The following PTPRD variants were observed in gnomAD, a reference collection of about 807,000 sequenced individuals.
The protein encoded by PTPRD is protein tyrosine phosphatase receptor type D, also known as receptor-type tyrosine-protein phosphatase delta.
PTPRD carries 34 observed loss-of-function variants against 214.5 expected under a neutral mutation model. The observed-to-expected ratio is 0.16, with a 90% CI of 0.12 to 0.21. PTPRD has a LOEUF of 0.21. Ranked by LOEUF, PTPRD falls within the 10% of genes least tolerant of loss-of-function variation. PTPRD has a pLI of 1.00. For missense variants in PTPRD, 2,545 were observed against 2,398.7 expected, an observed-to-expected ratio of 1.06 and a Z score of -1.27; for synonymous variants, 1,128 against 845.7, an observed-to-expected ratio of 1.33 and a Z score of -5.79.
intron 9 of PTPRD, among the ~76,000 whole-genome samples, chr9:9,251,849 C>T (rs766416120): frequency 1.1e-4 from 16 of 152,048 alleles, no homozygotes; most frequent in Non-Finnish European, 8.8e-5. Flanking sequence ...CAGATTTAGT[C>T]GCTGCAGCAG....
chr9:9,414,302 G>T (rs963977585), intron 8 of PTPRD, among the ~76,000 whole-genome samples: 2 of 152,176 alleles, frequency 1.3e-5, no homozygotes, highest in Non-Finnish European at 2.9e-5. Flanking sequence ...GTTCAGTCAG[G>T]TTCTTTCTTT....
intron 3 of PTPRD, among the ~76,000 whole-genome samples, chr9:10,246,759 G>C (rs1194263867): frequency 1.3e-5 from 2 of 151,578 alleles, no homozygotes; most frequent in African/African-American, 4.9e-5. Context: ...TATGTATCTA[G>C]TAGTTGCATA....
At position 10,363,922 on chromosome 9, in the gene PTPRD, A is replaced by AT. The variant is rs964488023; in HGVS notation, c.-599-22906dup. Among the ~76,000 whole-genome samples, 7 of 146,694 alleles carry AT rather than the reference A, an allele frequency of 4.8e-5. No individual in the cohort carries two copies. The East Asian group carries it at 1.2e-3, about 26-fold the overall frequency. On this transcript the variant is annotated intron_variant, in intron 2 of 45. Coordinates refer to ENST00000381196, the MANE Select transcript of PTPRD (RefSeq NM_002839.4). ...GGACACTATTCTAAGTATTATAGGA[A>AT]TTTTTTTTGCTTCCCAGGCATAACT... is the stretch of plus-strand genomic sequence containing the variant.
intron 3 of PTPRD, among the ~76,000 whole-genome samples, chr9:10,259,264 T>A (rs2093528384): frequency 6.6e-6 from 1 of 152,202 alleles, no homozygotes; most frequent in African/African-American, 2.4e-5. Context: ...GACCTCGTGA[T>A]CAGCCCGCCT....
chr9:8,756,125 T>C (rs1320066640), intron 11 of PTPRD, among the ~76,000 whole-genome samples: 1 of 152,164 alleles, frequency 6.6e-6, no homozygotes. Context: ...ATCAGTGTAG[T>C]GCAAACAAAG....
At chr9:10,250,699 A>T (rs1279626759) in intron 3 of PTPRD, among the ~76,000 whole-genome samples, 1 of 152,080 alleles carries the variant, frequency 6.6e-6, no homozygotes, top group Non-Finnish European at 1.5e-5. Context: ...CTGGAACTAT[A>T]GGCTATATGT....
intron 8 of PTPRD, among the ~76,000 whole-genome samples, chr9:9,553,554 G>A (rs1053843696): frequency 1.3e-5 from 2 of 151,876 alleles, no homozygotes; most frequent in Non-Finnish European, 2.9e-5. Flanking sequence ...CAAAGATCAT[G>A]CTCTTTCTAC....
At position 9,792,095 on chromosome 9, in the gene PTPRD, G is replaced by C. The variant is rs569478053; in HGVS notation, c.-367-25244C>G. Among the ~76,000 whole-genome samples, 3 of 147,986 alleles carry C rather than the reference G, an allele frequency of 2.0e-5. No homozygotes were observed. In the South Asian group the frequency reaches 6.5e-4, roughly 32 times the overall value. On this transcript the variant is annotated intron_variant, in intron 5 of 45. Transcript: ENST00000381196. ...AAAAAATGTTTTATCCCATGATTTG[G>C]AGGCCAGTGAGATTTTCTGACACTT...
chr9:10,037,172 C>T lies in PTPRD; in HGVS notation c.-544-3382G>A, dbSNP rs565956260. Among the ~76,000 whole-genome samples, 18 of 152,180 alleles carry T rather than the reference C, an allele frequency of 1.2e-4. 1 individual carries two copies. The East Asian group carries it at 3.5e-3, about 29-fold the overall frequency. On this transcript the variant is annotated intron_variant, in intron 3 of 45. Coordinates refer to ENST00000381196, the MANE Select transcript of PTPRD (RefSeq NM_002839.4). ...TCCCAAAGTGCTGGGATTACAGCAC[C>T]ATGCACCACAAAATAATATTTAAAA...
chr9:10,060,279 T>C (rs1184654452), intron 3 of PTPRD, among the ~76,000 whole-genome samples: 3 of 151,916 alleles, frequency 2.0e-5, no homozygotes, highest in Non-Finnish European at 4.4e-5. Flanking sequence ...TTTTAAAAAA[T>C]AGAAGGAAAG....
chr9:9,792,064 G>A (rs993420922), intron 5 of PTPRD, among the ~76,000 whole-genome samples: 8 of 151,602 alleles, frequency 5.3e-5, no homozygotes, highest in African/African-American at 1.7e-4. Flanking sequence ...GGACTCCAAG[G>A]ATTAAAAAAA....
intron 10 of PTPRD, among the ~76,000 whole-genome samples, chr9:9,050,424 A>G (rs761476173): frequency 6.6e-6 from 1 of 152,162 alleles, no homozygotes; most frequent in Non-Finnish European, 1.5e-5. Flanking sequence ...TCTCTCAACA[A>G]TCAAAGACAA....
chr9:9,553,253 G>A (rs565569788), intron 8 of PTPRD, among the ~76,000 whole-genome samples: 7 of 151,892 alleles, frequency 4.6e-5, no homozygotes, highest in African/African-American at 9.7e-5. Context: ...ATTGTTATAC[G>A]GATTTATACA....
At chr9:10,455,593 T>A (rs2098907052) in intron 2 of PTPRD, among the ~76,000 whole-genome samples, 1 of 151,770 alleles carries the variant, frequency 6.6e-6, no homozygotes. Context: ...TTGTTCGTGA[T>A]CTCTCTCCTT....
At chr9:9,999,326 A>G (rs531902322) in intron 4 of PTPRD, among the ~76,000 whole-genome samples, 1 of 152,314 alleles carries the variant, frequency 6.6e-6, no homozygotes, top group South Asian at 2.1e-4. Context: ...GGAGAAATAG[A>G]AGACCTTAGG....
At chr9:10,057,508 C>G (rs2097676900) in intron 3 of PTPRD, among the ~76,000 whole-genome samples, 1 of 150,742 alleles carries the variant, frequency 6.6e-6, no homozygotes, top group Non-Finnish European at 1.5e-5. Context: ...AGAAAAAAAT[C>G]CTCCCTAAAC....
intron 3 of PTPRD, among the ~76,000 whole-genome samples, chr9:10,068,557 G>A (rs182796035): frequency 4.6e-3 from 691 of 151,732 alleles, no homozygotes; most frequent in Non-Finnish European, 7.1e-3. Flanking sequence ...GAAGATGCGA[G>A]GTATACAATA....
intron 12 of PTPRD, among the ~76,000 whole-genome samples, chr9:8,640,310 C>T (rs940949844): frequency 1.3e-5 from 2 of 152,030 alleles, no homozygotes; most frequent in East Asian, 3.9e-4. Context: ...GATCACGCCA[C>T]TGCACTACAA....
At chr9:9,367,181 G>A (rs1266647468) in intron 9 of PTPRD, among the ~76,000 whole-genome samples, 1 of 151,434 alleles carries the variant, frequency 6.6e-6, no homozygotes, top group African/African-American at 2.4e-5. Context: ...TTTATATTCT[G>A]ATGAAATGTT....
Sources: allele counts gnomAD v4.1 joint callset (sites outside exome capture counted in the v4.1 genomes callset), GRCh38; gene constraint gnomAD v4.1.1; transcripts MANE v1.5; gene names NCBI Gene and HGNC (gene_info 2026-07-23, HGNC 2026-07-21).